ZSWIM6: variants seen among roughly 807,000 people sequenced by gnomAD.
ZSWIM6 encodes the protein zinc finger SWIM domain-containing protein 6.
Under a neutral mutation model 113.2 loss-of-function variants are expected in ZSWIM6, and 9 were observed. That is an observed-to-expected ratio of 0.08 (90% confidence interval 0.05 to 0.14). The LOEUF (loss-of-function observed/expected upper bound fraction) is 0.14. Among genes scored for constraint, ZSWIM6 ranks in the 10% least tolerant of loss-of-function variants. ZSWIM6 has a pLI of 1.00. For missense variants in ZSWIM6, 1,162 were observed against 1,552.2 expected (o/e 0.75, Z 4.22); for synonymous variants, 611 against 606.5 (o/e 1.01, Z -0.11).
At chr5:61,536,499 A>G (rs1408831063) in intron 10 of ZSWIM6, among the ~76,000 whole-genome samples, 3 of 152,248 alleles carry the variant, frequency 2.0e-5, no homozygotes, top group Non-Finnish European at 4.4e-5. Flanking sequence ...AGGACAAGCC[A>G]TGTTGTAGAC....
intron 1 of ZSWIM6, among the ~76,000 whole-genome samples, chr5:61,334,468 TTTTCTC>T (rs1315498456): frequency 6.6e-6 from 1 of 152,230 alleles, no homozygotes; most frequent in African/African-American, 2.4e-5. Context: ...ACTTAATCCT[TTTTCTC>T]TTTCTGTAGT....
intron 1 of ZSWIM6, among the ~76,000 whole-genome samples, chr5:61,334,586 A>G (rs1314929030): frequency 1.3e-5 from 2 of 152,152 alleles, no homozygotes; most frequent in Non-Finnish European, 2.9e-5. Context: ...GGTTAATTTG[A>G]ATTCTAATGC....
chr5:61,447,013 GT>G (rs1267063466), intron 1 of ZSWIM6, among the ~76,000 whole-genome samples: 1 of 152,124 alleles, frequency 6.6e-6, no homozygotes, highest in African/African-American at 2.4e-5. Flanking sequence ...GGGTAAAGCT[GT>G]TTCCATAGGT....
At chr5:61,512,332 T>A (rs1451433985) in intron 4 of ZSWIM6, among the ~76,000 whole-genome samples, 2 of 152,194 alleles carry the variant, frequency 1.3e-5, no homozygotes, top group Non-Finnish European at 2.9e-5. Context: ...ATCCTCTGTA[T>A]GAATGTACCA....
chr5:61,427,064 C>T (rs566492326), intron 1 of ZSWIM6, among the ~76,000 whole-genome samples: 1 of 152,206 alleles, frequency 6.6e-6, no homozygotes, highest in Non-Finnish European at 1.5e-5. Flanking sequence ...ATATCTTGCT[C>T]TTTATCAAAA....
chr5:61,526,091 C>T, intron 6 of ZSWIM6, 115 bp downstream of exon 6: 3 of 1,422,642 alleles, frequency 2.1e-6, no homozygotes, highest in Non-Finnish European at 2.8e-6. Context: ...TGGATGAATG[C>T]TTGGCAATAG....
intron 5 of ZSWIM6, among the ~76,000 whole-genome samples, chr5:61,522,857 C>T (rs1203422470): frequency 6.6e-6 from 1 of 152,170 alleles, no homozygotes; most frequent in Non-Finnish European, 1.5e-5. Flanking sequence ...GTTTCATTCC[C>T]CACTGCTTTT....
At chr5:61,521,974 G>A (rs992313776) in intron 5 of ZSWIM6, among the ~76,000 whole-genome samples, 1 of 152,028 alleles carries the variant, frequency 6.6e-6, no homozygotes, top group African/African-American at 2.4e-5. Context: ...ATTGTGAGGG[G>A]TTGTCTAGCC....
Position 61,399,097 on chromosome 5 carries a change from A to AT in ZSWIM6, c.676+66156dup, listed in dbSNP as rs1200013223. 6.6e-5 allele frequency among the ~76,000 whole-genome samples: 10 copies of AT among 150,390 alleles called. 1 individual carries two copies. The highest frequency in any genetic ancestry group is 2.1e-4 in the South Asian group (1 of 4,752). On this transcript the variant is annotated intron_variant, in intron 1 of 13. Coordinates refer to ENST00000252744, the MANE Select transcript of ZSWIM6 (RefSeq NM_020928.2). ...GCCACCATGCCAGGCTAATTCTTGT[A>AT]TTTTTTTAGTAGAGACGGGGTTTCT...
chr5:61,375,984 C>T (rs1745367896), intron 1 of ZSWIM6: 1 of 563,598 alleles, frequency 1.8e-6, no homozygotes, highest in African/African-American at 2.4e-5. Flanking sequence ...CTGGACTATT[C>T]AGTAGCCACT....
chr5:61,391,375 G>A (rs1156732378), intron 1 of ZSWIM6: 3 of 839,286 alleles, frequency 3.6e-6, no homozygotes, highest in East Asian at 2.4e-5. Context: ...GCACATCTGG[G>A]TGTAGGCAAT....
At chr5:61,452,018 G>A (rs1747095850) in intron 1 of ZSWIM6, among the ~76,000 whole-genome samples, 1 of 152,064 alleles carries the variant, frequency 6.6e-6, no homozygotes, top group Admixed American at 6.6e-5. Context: ...CCTTAACAAT[G>A]TAAGGTTACT....
chr5:61,464,639 A>G (rs1452395543), intron 1 of ZSWIM6, among the ~76,000 whole-genome samples: 2 of 152,092 alleles, frequency 1.3e-5, no homozygotes, highest in African/African-American at 4.8e-5. Flanking sequence ...TGTGGGTGGA[A>G]GAATTTGGCT....
chr5:61,539,065 G>T, intron 11 of ZSWIM6, 94 bp downstream of exon 11: 1 of 1,335,038 alleles, frequency 7.5e-7, no homozygotes. Context: ...CAGCAGTGGT[G>T]TTAATGTCAG....
In ZSWIM6 at chr5:61,383,252, A is replaced by G. The variant is rs201945847; in HGVS notation, c.676+50304A>G. On this transcript the variant is annotated intron_variant, in intron 1 of 13. Coordinates refer to ENST00000252744, the MANE Select transcript of ZSWIM6 (RefSeq NM_020928.2). ...TTTAAGTTTCAGGCATAGTGCTAAA[A>G]TAACTAGGTACAGTCAACAAAGAGA... 3.9e-5 allele frequency among the ~76,000 whole-genome samples: 6 copies of G among 152,356 alleles called. No homozygotes were observed. The East Asian group carries it at 5.8e-4, about 15-fold the overall frequency.
chr5:61,429,172 G>A (rs1330596907), intron 1 of ZSWIM6, among the ~76,000 whole-genome samples: 1 of 152,224 alleles, frequency 6.6e-6, no homozygotes, highest in Non-Finnish European at 1.5e-5. Context: ...TTCATTGAGT[G>A]CCTGCTTTGC....
At chr5:61,536,198 G>C (rs960751592) in intron 10 of ZSWIM6, among the ~76,000 whole-genome samples, 12 of 152,100 alleles carry the variant, frequency 7.9e-5, no homozygotes, top group Non-Finnish European at 1.6e-4. Context: ...TCTCCTCATC[G>C]GTCTCTCCTT....
rs3067226 is a variant in ZSWIM6 at position 61,478,705 on chromosome 5, T to TTGTG, written c.1033+5689_1033+5692dup. 1.2e-4 allele frequency among the ~76,000 whole-genome samples: 18 copies of TTGTG among 147,660 alleles called. No individual in the cohort carries two copies. The South Asian group carries it at 1.7e-3, about 14-fold the overall frequency. ...TATGTGTGAGTGTGTGTGTGTGTGTTTGTGTGTGTGTGTGTGTGTGTGTGA... is the reference window on the plus strand; with the variant it reads ...TATGTGTGAGTGTGTGTGTGTGTGTTTGTGTGTGTGTGTGTGTGTGTGTGTGTGA... On this transcript the variant is annotated intron_variant, in intron 2 of 13. Coordinates refer to ENST00000252744, the MANE Select transcript of ZSWIM6 (RefSeq NM_020928.2).
chr5:61,410,022 C>T (rs371783544), intron 1 of ZSWIM6, among the ~76,000 whole-genome samples: 1 of 152,166 alleles, frequency 6.6e-6, no homozygotes, highest in South Asian at 2.1e-4. Flanking sequence ...GAGAGGAAGC[C>T]TTGGACTTAT....
Sources: allele counts gnomAD v4.1 joint callset (sites outside exome capture counted in the v4.1 genomes callset), GRCh38; gene constraint gnomAD v4.1.1; transcripts MANE v1.5; gene names NCBI Gene and HGNC (gene_info 2026-07-23, HGNC 2026-07-21).